YAP1: variants seen among roughly 807,000 people sequenced by gnomAD.
The protein encoded by YAP1 is transcriptional coactivator YAP1.
A neutral mutation model predicts 56.9 loss-of-function variants in YAP1; 5 were observed. The observed-to-expected ratio is 0.09, with a 90% CI of 0.05 to 0.18. The LOEUF (loss-of-function observed/expected upper bound fraction) is 0.18, where lower values mean the gene tolerates loss of function less well. YAP1 is among the 10% of genes least tolerant of loss of function. The probability of loss-of-function intolerance (pLI) is 1.00; values close to 1 mark genes in which losing one functional copy is unlikely to be tolerated. For synonymous variants in YAP1, 265 were observed against 248.1 expected, an observed-to-expected ratio of 1.07 and a Z score of -0.64; for missense variants, 539 against 651.8, an observed-to-expected ratio of 0.83 and a Z score of 1.88.
intron 2 of YAP1, among the ~76,000 whole-genome samples, chr11:102,119,718 A>G (rs1005444655): frequency 6.6e-6 from 1 of 151,942 alleles, no homozygotes; most frequent in Non-Finnish European, 1.5e-5. Context: ...TTTACTTTGT[A>G]GTTAGAAAAA....
intron 6 of YAP1, among the ~76,000 whole-genome samples, chr11:102,221,400 A>T (rs1261425923): frequency 1.3e-5 from 2 of 152,146 alleles, no homozygotes; most frequent in Non-Finnish European, 2.9e-5. Flanking sequence ...GAAACTTGTG[A>T]TATAACGTGC....
chr11:102,179,832 C>T (rs1460226131), intron 3 of YAP1, among the ~76,000 whole-genome samples: 1 of 152,006 alleles, frequency 6.6e-6, no homozygotes, highest in Non-Finnish European at 1.5e-5. Flanking sequence ...ATAGTAGGAA[C>T]TCAATAAATA....
Position 102,111,049 on chromosome 11 carries a change from G to C in YAP1, c.201G>C (p.Ala67=). ...GGGACTCGGAGACCGACCTGGAGGC[G>C]CTCTTCAACGCCGTCATGAACCCCA... ...VRGDSETDLE[A]LFNAVMNPKT... The change falls in exon 1 of 9, where the codon GCG becomes GCC. Residue 67 remains alanine (A), a synonymous_variant. Transcript: ENST00000282441. The C allele has an allele frequency of 6.2e-7, 1 of 1,612,904 alleles. No homozygotes were observed. The highest frequency in any genetic ancestry group is 8.5e-7 in the Non-Finnish European group (1 of 1,179,696).
intron 2 of YAP1, among the ~76,000 whole-genome samples, chr11:102,116,605 A>G (rs550586289): frequency 2.4e-4 from 36 of 152,386 alleles, no homozygotes; most frequent in African/African-American, 8.7e-4. Flanking sequence ...GCTAAAATAA[A>G]TAAATCTCAA....
chr11:102,134,653 C>G (rs1052043150), intron 2 of YAP1, among the ~76,000 whole-genome samples: 1 of 152,050 alleles, frequency 6.6e-6, no homozygotes, highest in Non-Finnish European at 1.5e-5. Context: ...CCACGTACCT[C>G]TCACAGATCA....
chr11:102,163,183 C>G (rs1051727745), intron 3 of YAP1, among the ~76,000 whole-genome samples: 35 of 151,966 alleles, frequency 2.3e-4, no homozygotes, highest in Admixed American at 2.2e-3. Flanking sequence ...CTTTTTCTAC[C>G]TCTTATTTGG....
At chr11:102,222,095 G>A (rs1271030607) in intron 6 of YAP1, among the ~76,000 whole-genome samples, 1 of 152,162 alleles carries the variant, frequency 6.6e-6, no homozygotes, top group African/African-American at 2.4e-5. Flanking sequence ...CAGGAGAATT[G>A]TAGTTTAGAA....
intron 2 of YAP1, among the ~76,000 whole-genome samples, chr11:102,152,305 C>T (rs1004029546): frequency 6.6e-6 from 1 of 152,196 alleles, no homozygotes; most frequent in Admixed American, 6.5e-5. Flanking sequence ...TGTTTCTCAA[C>T]CTCTGAGGCA....
chr11:102,180,810 G>T (rs1213433437), intron 3 of YAP1, among the ~76,000 whole-genome samples: 2 of 151,850 alleles, frequency 1.3e-5, no homozygotes, highest in African/African-American at 4.8e-5. Context: ...TATTGAGGAA[G>T]TGAAAAGTTC....
intron 7 of YAP1, among the ~76,000 whole-genome samples, 184 bp downstream of exon 7, chr11:102,223,936 G>A (rs999605233): frequency 3.9e-5 from 6 of 152,220 alleles, no homozygotes; most frequent in Non-Finnish European, 7.3e-5. Context: ...TCCTGTGAGA[G>A]GAAGTGAACT....
intron 2 of YAP1, among the ~76,000 whole-genome samples, chr11:102,158,978 A>T (rs1946113267): frequency 6.6e-6 from 1 of 152,190 alleles, no homozygotes; most frequent in South Asian, 2.1e-4. Context: ...TTTGGTTTAT[A>T]TTGACAGAAC....
At chr11:102,153,458 T>A (rs548711722) in intron 2 of YAP1, among the ~76,000 whole-genome samples, 1 of 152,342 alleles carries the variant, frequency 6.6e-6, no homozygotes, top group South Asian at 2.1e-4. Flanking sequence ...TCTTTTATAA[T>A]TCTTAGGTAT....
Position 102,228,719 on chromosome 11 carries a change from C to T in YAP1, c.1277-983C>T, listed in dbSNP as rs192921929. ...AATACCTGCCTCACAGGGGTAATTA[C>T]GGAAGCATTTCTCCTGTGGCTTACC... is the stretch of plus-strand genomic sequence containing the variant. On this transcript the variant is annotated intron_variant, in intron 8 of 8. Transcript: ENST00000282441. Among the ~76,000 whole-genome samples, 6 of 150,408 alleles carry T rather than the reference C, an allele frequency of 4.0e-5. No individual in the cohort carries two copies. In the East Asian group the frequency reaches 5.9e-4, roughly 15 times the overall value.
intron 3 of YAP1, among the ~76,000 whole-genome samples, chr11:102,176,136 A>G (rs768918637): frequency 5.3e-5 from 8 of 152,230 alleles, no homozygotes; most frequent in Non-Finnish European, 8.8e-5. Flanking sequence ...TTGCAGACCA[A>G]AGTATCACAA....
intron 4 of YAP1, among the ~76,000 whole-genome samples, chr11:102,194,386 A>G (rs1476299122): frequency 1.3e-5 from 2 of 152,202 alleles, no homozygotes; most frequent in Non-Finnish European, 2.9e-5. Context: ...CCTAGTTGCT[A>G]AGGTCATTTT....
intron 2 of YAP1, among the ~76,000 whole-genome samples, chr11:102,156,483 G>A (rs1945952308): frequency 6.6e-6 from 1 of 152,120 alleles, no homozygotes; most frequent in Admixed American, 6.5e-5. Flanking sequence ...TCTCAGGGCT[G>A]TTTTAAAATA....
At chr11:102,124,303 G>A (rs577088218) in intron 2 of YAP1, among the ~76,000 whole-genome samples, 2 of 152,170 alleles carry the variant, frequency 1.3e-5, no homozygotes, top group South Asian at 4.2e-4. Context: ...TGCTTTCCTT[G>A]GGGATTTTAG....
At chr11:102,114,578 A>T (rs1353218288) in intron 2 of YAP1, among the ~76,000 whole-genome samples, 184 bp downstream of exon 2, 1 of 152,160 alleles carries the variant, frequency 6.6e-6, no homozygotes, top group Non-Finnish European at 1.5e-5. Context: ...TACCTTTGTT[A>T]GTATGGGTAA....
intron 4 of YAP1, among the ~76,000 whole-genome samples, chr11:102,194,739 G>A (rs1483335280): frequency 6.6e-6 from 1 of 152,040 alleles, no homozygotes; most frequent in Non-Finnish European, 1.5e-5. Context: ...ACCAGTTTTT[G>A]TGTTTTTCAG....
Sources: allele counts gnomAD v4.1 joint callset (sites outside exome capture counted in the v4.1 genomes callset), GRCh38; gene constraint gnomAD v4.1.1; transcripts MANE v1.5; gene names NCBI Gene and HGNC (gene_info 2026-07-23, HGNC 2026-07-21).